ANKS1B: variants seen among roughly 807,000 people sequenced by gnomAD.
ANKS1B encodes the protein ankyrin repeat and sterile alpha motif domain-containing protein 1B.
A neutral mutation model predicts 148.3 loss-of-function variants in ANKS1B; 36 were observed. That is an observed-to-expected ratio of 0.24 (90% CI 0.19 to 0.32). ANKS1B has a LOEUF of 0.32. Ranked by LOEUF, ANKS1B falls within the 10% of genes least tolerant of loss-of-function variation. ANKS1B has a pLI of 1.00. For missense variants in ANKS1B, 1,157 were observed against 1,542.6 expected (o/e 0.75, Z 4.19); for synonymous variants, 542 against 560.8 (o/e 0.97, Z 0.47).
chr12:99,450,764 G>A (rs1167535628), intron 10 of ANKS1B, among the ~76,000 whole-genome samples: 5 of 152,066 alleles, frequency 3.3e-5, no homozygotes, highest in Admixed American at 3.3e-4. Flanking sequence ...TCCTTTTAAA[G>A]TAATAAATGA....
intron 14 of ANKS1B, among the ~76,000 whole-genome samples, chr12:99,194,837 G>A (rs748149052): frequency 6.6e-6 from 1 of 152,126 alleles, no homozygotes; most frequent in Non-Finnish European, 1.5e-5. Flanking sequence ...AATCCTGTGT[G>A]TATATGGGGA....
intron 11 of ANKS1B, among the ~76,000 whole-genome samples, chr12:99,421,687 C>T (rs2095088758): frequency 6.6e-6 from 1 of 152,188 alleles, no homozygotes; most frequent in Non-Finnish European, 1.5e-5. Context: ...CAGACTTCAG[C>T]TTCTGAGAAA....
chr12:99,789,404 A>G (rs919551717), intron 4 of ANKS1B, among the ~76,000 whole-genome samples: 4 of 152,170 alleles, frequency 2.6e-5, no homozygotes, highest in African/African-American at 7.2e-5. Flanking sequence ...TAACTCTTCA[A>G]TGCCCAAACA....
chr12:99,537,969 G>T (rs376838435), intron 9 of ANKS1B, among the ~76,000 whole-genome samples: 2 of 151,942 alleles, frequency 1.3e-5, no homozygotes, highest in East Asian at 3.9e-4. Context: ...TCATTATTCT[G>T]CATATAGATA....
At chr12:99,246,204 A>G in intron 13 of ANKS1B, 71 bp downstream of exon 13, 2 of 1,243,442 alleles carry the variant, frequency 1.6e-6, no homozygotes, top group Non-Finnish European at 2.1e-6. Flanking sequence ...TAAAAAGCTG[A>G]AAATCCTTCC....
In ANKS1B at chr12:99,899,128, C is replaced by T. The variant is rs1041491539; in HGVS notation, c.135-73739G>A. Among the ~76,000 whole-genome samples, 5 of 152,106 alleles carry T rather than the reference C, an allele frequency of 3.3e-5. No homozygotes were observed. In the South Asian group the frequency reaches 6.2e-4, roughly 19 times the overall value. ...CCACTAAATTCTTTGTGTGCCTTGT[C>T]TCATTTAATCCTTACAGCAGCCCTA... is the stretch of plus-strand genomic sequence containing the variant. On this transcript the variant is annotated intron_variant, in intron 1 of 26. Transcript: ENST00000683438.
At chr12:99,554,677 A>T (rs367644747) in intron 9 of ANKS1B, among the ~76,000 whole-genome samples, 7 of 152,312 alleles carry the variant, frequency 4.6e-5, no homozygotes, top group African/African-American at 1.7e-4. Flanking sequence ...ACTTTGGTCC[A>T]ATATTGGAAT....
chr12:99,081,761 T>G (rs1405803110), intron 16 of ANKS1B, among the ~76,000 whole-genome samples: 4 of 152,154 alleles, frequency 2.6e-5, no homozygotes, highest in Non-Finnish European at 5.9e-5. Context: ...TACGTTCAGT[T>G]TCTCTTGTTT....
At chr12:99,894,638 T>C (rs180940342) in intron 1 of ANKS1B, among the ~76,000 whole-genome samples, 2 of 140,846 alleles carry the variant, frequency 1.4e-5, no homozygotes, top group Non-Finnish European at 3.3e-5. Flanking sequence ...TATACAACCA[T>C]TTTGTTTCAG....
chr12:98,772,983 A>G (rs2098609018), intron 25 of ANKS1B, 59 bp downstream of exon 25: 4 of 1,591,588 alleles, frequency 2.5e-6, no homozygotes, highest in Admixed American at 1.8e-5. Context: ...TGGGCTTTCA[A>G]TACAGTCCAG....
intron 17 of ANKS1B, among the ~76,000 whole-genome samples, chr12:98,851,710 G>A (rs981232357): frequency 3.3e-5 from 5 of 152,216 alleles, no homozygotes; most frequent in Middle Eastern, 3.4e-3. Context: ...TTTCTGTTAT[G>A]TTGAAGTAGA....
chr12:99,161,581 A>T (rs990534869), intron 14 of ANKS1B, among the ~76,000 whole-genome samples: 1 of 152,150 alleles, frequency 6.6e-6, no homozygotes, highest in Non-Finnish European at 1.5e-5. Context: ...CTGGTGACAA[A>T]CAATCAAAAA....
At chr12:99,329,783 G>A (rs975846470) in intron 12 of ANKS1B, among the ~76,000 whole-genome samples, 8 of 151,672 alleles carry the variant, frequency 5.3e-5, no homozygotes, top group Non-Finnish European at 1.0e-4. Context: ...TTAGTTTTAA[G>A]TGTTTTTCTT....
At chr12:99,241,045 A>G (rs886817565) in intron 14 of ANKS1B, among the ~76,000 whole-genome samples, 5 of 152,174 alleles carry the variant, frequency 3.3e-5, no homozygotes, top group Admixed American at 2.0e-4. Context: ...AATAATTAAG[A>G]TCAGAGCAGA....
intron 15 of ANKS1B, among the ~76,000 whole-genome samples, chr12:99,091,136 C>G (rs2053849441): frequency 6.6e-6 from 1 of 152,144 alleles, no homozygotes; most frequent in African/African-American, 2.4e-5. Context: ...TATTACATCA[C>G]TGACCAATAA....
chr12:99,031,434 G>C (rs1431047645), intron 17 of ANKS1B, among the ~76,000 whole-genome samples: 1 of 152,094 alleles, frequency 6.6e-6, no homozygotes, highest in African/African-American at 2.4e-5. Flanking sequence ...TCTCTTGCTT[G>C]TTTTCTCCTG....
chr12:98,808,981 A>G (rs2099072864), intron 19 of ANKS1B, among the ~76,000 whole-genome samples: 1 of 152,170 alleles, frequency 6.6e-6, no homozygotes. Flanking sequence ...AATGATAGAA[A>G]AGAAGGCTTA....
rs906512142 is a variant in ANKS1B at position 99,356,168 on chromosome 12, G to A, written c.1756+43463C>T. 5.9e-5 allele frequency among the ~76,000 whole-genome samples: 9 copies of A among 152,076 alleles called. No individual in the cohort carries two copies. The East Asian group carries it at 1.2e-3, about 20-fold the overall frequency. On this transcript the variant is annotated intron_variant, in intron 12 of 26. Coordinates refer to ENST00000683438, the MANE Select transcript of ANKS1B (RefSeq NM_001352186.2). Reference sequence around the variant, plus strand: ...ACTGATATAGATGCCCAACGAAGACGCTTGCCTACCCTGAAGGCTGAGATC... The same window carrying A: ...ACTGATATAGATGCCCAACGAAGACACTTGCCTACCCTGAAGGCTGAGATC...
At chr12:99,210,707 G>T (rs970085712) in intron 14 of ANKS1B, among the ~76,000 whole-genome samples, 2 of 152,144 alleles carry the variant, frequency 1.3e-5, no homozygotes, top group African/African-American at 4.8e-5. Flanking sequence ...TTGGCTACTT[G>T]GTTAAAATGG....
Sources: allele counts gnomAD v4.1 joint callset (sites outside exome capture counted in the v4.1 genomes callset), GRCh38; gene constraint gnomAD v4.1.1; transcripts MANE v1.5; gene names NCBI Gene and HGNC (gene_info 2026-07-23, HGNC 2026-07-21).